Variants in DRICH1 observed in about 807,000 individuals in gnomAD.
DRICH1 encodes aspartate rich 1, also known as aspartate-rich protein 1.
DRICH1 carries 38 observed loss-of-function variants against 39.5 expected under a neutral mutation model. That is an observed-to-expected ratio of 0.96 (90% CI 0.74 to 1.26). The LOEUF is 1.26. DRICH1 is among the 50% of genes most tolerant of loss of function. DRICH1 has a pLI of 0.00. For missense variants in DRICH1, 279 were observed against 270.4 expected, an observed-to-expected ratio of 1.03 and a Z score of -0.22; for synonymous variants, 84 against 99.5, an observed-to-expected ratio of 0.84 and a Z score of 0.93.
chr22:23,629,974 T>C (rs1457546782), intron 1 of DRICH1, among the ~76,000 whole-genome samples: 1 of 152,164 alleles, frequency 6.6e-6, no homozygotes, highest in Non-Finnish European at 1.5e-5. Context: ...CAATGCAATA[T>C]CTTCCTGATC....
intron 8 of DRICH1, 92 bp from the exon 9 acceptor site, chr22:23,614,306 T>C (rs187418948): frequency 2.5e-4 from 217 of 875,676 alleles, no homozygotes; most frequent in Non-Finnish European, 3.8e-4. Flanking sequence ...ATGGAGGTGG[T>C]TGATTAACAA....
the DRICH1 span, among the ~76,000 whole-genome samples, chr22:23,593,150 G>T: frequency 1.3e-5 from 2 of 151,602 alleles, no homozygotes; most frequent in Admixed American, 6.6e-5. Context: ...CATGGACAAA[G>T]AACTAAAGGA....
At chr22:23,622,066 A>C (rs751606675) in intron 4 of DRICH1, 25 bp downstream of exon 4, 2 of 1,608,830 alleles carry the variant, frequency 1.2e-6, no homozygotes, top group Admixed American at 3.3e-5. Context: ...ACATTTCCTT[A>C]GAAGACAAAG....
chr22:23,610,028 C>T (rs1023673293), intron 11 of DRICH1, among the ~76,000 whole-genome samples: 1 of 152,062 alleles, frequency 6.6e-6, no homozygotes, highest in Non-Finnish European at 1.5e-5. Context: ...CTCCTATGCC[C>T]GTTCTGAGGA....
chr22:23,606,546 C>T (rs1004415551), downstream of DRICH1, among the ~76,000 whole-genome samples: 1 of 152,170 alleles, frequency 6.6e-6, no homozygotes, highest in African/African-American at 2.4e-5. Context: ...CGGAGTCGAA[C>T]CCAAGCTCTT....
At chr22:23,596,949 G>A in the DRICH1 span, among the ~76,000 whole-genome samples, 1 of 150,942 alleles carries the variant, frequency 6.6e-6, no homozygotes, top group Admixed American at 6.6e-5. Context: ...GTATAGTATT[G>A]CAACTATTAT....
intron 8 of DRICH1, among the ~76,000 whole-genome samples, chr22:23,615,106 G>C (rs574614879): frequency 6.6e-6 from 1 of 152,324 alleles, no homozygotes; most frequent in East Asian, 1.9e-4. Context: ...GAGCACTCTG[G>C]CTCAGACCTG....
At chr22:23,596,178 C>G in the DRICH1 span, among the ~76,000 whole-genome samples, 19 of 152,186 alleles carry the variant, frequency 1.2e-4, no homozygotes, top group Non-Finnish European at 2.5e-4. Context: ...TTCTGAGAGT[C>G]TGATTCCATC....
intron 1 of DRICH1, among the ~76,000 whole-genome samples, chr22:23,631,331 G>A (rs967281923): frequency 1.3e-5 from 2 of 151,822 alleles, no homozygotes; most frequent in African/African-American, 4.8e-5. Context: ...CTAGAGAATC[G>A]CTTGAACCCA....
chr22:23,629,307 G>A (rs1928255970), intron 1 of DRICH1, among the ~76,000 whole-genome samples: 1 of 152,096 alleles, frequency 6.6e-6, no homozygotes, highest in African/African-American at 2.4e-5. Flanking sequence ...CCAAAGTGCT[G>A]GGATTACAGG....
At position 23,624,301 on chromosome 22, in the gene DRICH1, G is replaced by A. The variant is rs1378551396; in HGVS notation, c.298+582C>T. On this transcript the variant is annotated intron_variant, in intron 3 of 11. Coordinates refer to ENST00000317749, the MANE Select transcript of DRICH1 (RefSeq NM_016449.4). The stretch of plus-strand genomic sequence containing the variant: ...TTTGCAGTGGCACAGGCAGAAAAGA[G>A]CAGGTGTTCTCAGAAAAATCATCTT... 6.1e-6 allele frequency: 6 copies of A among 985,096 alleles called. No individual in the cohort carries two copies. The South Asian group carries it at 1.9e-4, about 31-fold the overall frequency. 61.0% of individuals were successfully genotyped at this position (985,096 alleles called of 1,614,324 possible).
Position 23,631,962 on chromosome 22 carries a change from G to T in DRICH1, c.62C>A (p.Ala21Glu). Residue 21 changes from alanine (A) to glutamate (E), a missense_variant, in exon 1 of 12, where the codon GCA becomes GAA. Coordinates refer to ENST00000317749, the MANE Select transcript of DRICH1 (RefSeq NM_016449.4). ...ATCAGTATCAGATTCATAACAGGGT[G>T]CGTCCTTCCCCCTGGGCCAGCCACA... ...SHCGWPRGKD[A>E]PCYESDTDIY... is the part of the protein sequence containing the mutation. 2 of 1,613,720 alleles carry T rather than the reference G, an allele frequency of 1.2e-6. No individual in the cohort carries two copies. The highest frequency in any genetic ancestry group is 1.7e-6 in the Non-Finnish European group (2 of 1,180,022).
chr22:23,621,957 CA>C, intron 4 of DRICH1, 133 bp downstream of exon 4: 1 of 839,472 alleles, frequency 1.2e-6, no homozygotes. Flanking sequence ...AAAAAAGAAA[CA>C]AAGAAAGGAA....
intron 1 of DRICH1, among the ~76,000 whole-genome samples, chr22:23,630,306 G>A (rs1197014384): frequency 1.3e-5 from 2 of 152,284 alleles, no homozygotes; most frequent in South Asian, 4.1e-4. Context: ...ACGGTGGAGT[G>A]ATGACACGGT....
rs939010592 is a variant in DRICH1 at position 23,614,141 on chromosome 22, GTCATCATCA to G, written c.606_614del (p.Asp203_Asp205del). The stretch of plus-strand genomic sequence containing the variant: ...AAAAAAAGGGAGGTCTTACGTGGAT[GTCATCATCA>G]TCTTCTTCTTCTTCATCTTTGTGTC... On this transcript the variant is annotated inframe_deletion, in exon 9 of 12. Coordinates refer to ENST00000317749, the MANE Select transcript of DRICH1 (RefSeq NM_016449.4). 1.2e-6 allele frequency: 2 copies of G among 1,609,690 alleles called. No individual in the cohort carries two copies. Among genetic ancestry groups the G allele is most frequent in the Non-Finnish European group, 1.7e-6 (2 of 1,175,956 alleles).
At chr22:23,617,272 A>G (rs1927413702) in intron 7 of DRICH1, among the ~76,000 whole-genome samples, 1 of 152,252 alleles carries the variant, frequency 6.6e-6, no homozygotes, top group Non-Finnish European at 1.5e-5. Flanking sequence ...GTGACTTGTC[A>G]TATTTTTATA....
chr22:23,587,453 A>G, the DRICH1 span, among the ~76,000 whole-genome samples: 1 of 152,128 alleles, frequency 6.6e-6, no homozygotes, highest in African/African-American at 2.4e-5. Flanking sequence ...ATTCGAAGGG[A>G]GAGAGAAGCC....
At chr22:23,613,698 T>A in intron 9 of DRICH1, 38 bp from the exon 10 acceptor site, 1 of 1,506,562 alleles carries the variant, frequency 6.6e-7, no homozygotes, top group Non-Finnish European at 9.2e-7. Flanking sequence ...GAAAATCAGA[T>A]TCTGCTGTGC....
At chr22:23,583,640 C>G in the DRICH1 span, among the ~76,000 whole-genome samples, 5 of 152,252 alleles carry the variant, frequency 3.3e-5, no homozygotes, top group Admixed American at 6.5e-5. Flanking sequence ...CCAGACAGCT[C>G]CCGATCCTCG....
Sources: allele counts gnomAD v4.1 joint callset (sites outside exome capture counted in the v4.1 genomes callset), GRCh38; gene constraint gnomAD v4.1.1; transcripts MANE v1.5; gene names NCBI Gene and HGNC (gene_info 2026-07-23, HGNC 2026-07-21).